The following PLPPR1 variants were observed in gnomAD, a reference collection of about 807,000 sequenced individuals.
PLPPR1 encodes the protein phospholipid phosphatase-related protein type 1.
Under a neutral mutation model 33.1 loss-of-function variants are expected in PLPPR1, and 10 were observed. That is an observed-to-expected ratio of 0.30 (90% confidence interval 0.19 to 0.51). The LOEUF is 0.51. Among genes scored for constraint, PLPPR1 ranks in the 20% least tolerant of loss-of-function variants. The probability of loss-of-function intolerance (pLI) is 0.97; values close to 1 mark genes in which losing one functional copy is unlikely to be tolerated. For missense variants in PLPPR1, 304 were observed against 408.1 expected, an observed-to-expected ratio of 0.74 and a Z score of 2.20; for synonymous variants, 151 against 151.0, an observed-to-expected ratio of 1.00 and a Z score of 0.00.
intron 1 of PLPPR1, among the ~76,000 whole-genome samples, chr9:101,055,667 C>A (rs1485560867): frequency 1.3e-5 from 2 of 152,176 alleles, no homozygotes; most frequent in African/African-American, 4.8e-5. Context: ...CACACAGAAG[C>A]TCTTTATGTC....
chr9:101,143,656 G>A (rs1831483106), intron 1 of PLPPR1, among the ~76,000 whole-genome samples: 1 of 152,274 alleles, frequency 6.6e-6, no homozygotes, highest in African/African-American at 2.4e-5. Context: ...AGACATTTAC[G>A]CAGCCAACAG....
Position 101,227,190 on chromosome 9 carries a change from T to C in PLPPR1, c.63+41633T>C, listed in dbSNP as rs377266708. ...GGATCCCGTAGGGGAGCCCCAATAA[T>C]CACGACTGGGAATACATTTCCTGTG... On this transcript the variant is annotated intron_variant, in intron 2 of 7. Coordinates refer to ENST00000374874, the MANE Select transcript of PLPPR1 (RefSeq NM_207299.2). Among the ~76,000 whole-genome samples the C allele has an allele frequency of 5.4e-4, 82 of 152,254 alleles. No homozygotes were observed. The South Asian group carries it at 8.7e-3, about 16-fold the overall frequency.
At chr9:101,228,127 T>C (rs184562077) in intron 2 of PLPPR1, among the ~76,000 whole-genome samples, 20 of 152,270 alleles carry the variant, frequency 1.3e-4, no homozygotes, top group Middle Eastern at 6.8e-3. Context: ...GATGACTGCC[T>C]AGGATGTTTG....
At chr9:101,236,636 CTG>C (rs1827305989) in intron 2 of PLPPR1, among the ~76,000 whole-genome samples, 2 of 151,122 alleles carry the variant, frequency 1.3e-5, no homozygotes, top group African/African-American at 2.4e-5. Flanking sequence ...CGTGTAATAA[CTG>C]TACATATCTA....
intron 2 of PLPPR1, among the ~76,000 whole-genome samples, chr9:101,229,079 T>A (rs1288347656): frequency 1.3e-5 from 2 of 152,078 alleles, no homozygotes; most frequent in Non-Finnish European, 2.9e-5. Flanking sequence ...AATAAAAAAG[T>A]TGTTAGGTCT....
intron 2 of PLPPR1, among the ~76,000 whole-genome samples, chr9:101,221,393 C>T (rs111991552): frequency 1.4e-3 from 207 of 152,278 alleles, no homozygotes; most frequent in African/African-American, 4.1e-3. Flanking sequence ...GACCCAGATC[C>T]GTGGGTCCTA....
At chr9:101,221,134 TTAGGTTACA>T (rs1214706666) in intron 2 of PLPPR1, among the ~76,000 whole-genome samples, 1 of 152,148 alleles carries the variant, frequency 6.6e-6, no homozygotes, top group Non-Finnish European at 1.5e-5. Flanking sequence ...ACAGGCAGTA[TTAGGTTACA>T]TAAGTAAGTT....
At chr9:101,281,795 T>G (rs12000698) in intron 3 of PLPPR1, among the ~76,000 whole-genome samples, 8,073 of 152,140 alleles carry the variant, frequency 0.053, 676 homozygotes, top group African/African-American at 0.18. Flanking sequence ...ATTAGACTAT[T>G]ATGAACAATG....
intron 6 of PLPPR1, 59 bp from the exon 7 acceptor site, chr9:101,317,305 AG>A (rs1829073439): frequency 6.4e-7 from 1 of 1,555,390 alleles, no homozygotes; most frequent in African/African-American, 1.4e-5. Context: ...CCACCCTCAC[AG>A]ATGCCAGGCA....
At chr9:101,293,608 A>G (rs1828561845) in intron 4 of PLPPR1, among the ~76,000 whole-genome samples, 1 of 152,226 alleles carries the variant, frequency 6.6e-6, no homozygotes, top group Non-Finnish European at 1.5e-5. Flanking sequence ...ACTGTCTCTC[A>G]GACCACAGTG....
chr9:101,059,141 T>C (rs915631067), intron 1 of PLPPR1, among the ~76,000 whole-genome samples: 1 of 152,164 alleles, frequency 6.6e-6, no homozygotes, highest in Admixed American at 6.6e-5. Context: ...TTTTGTGTGA[T>C]CTTTTCATTA....
intron 4 of PLPPR1, among the ~76,000 whole-genome samples, chr9:101,292,015 T>G (rs1191673170): frequency 6.6e-6 from 1 of 151,926 alleles, no homozygotes; most frequent in Admixed American, 6.6e-5. Flanking sequence ...GAAATTCAAA[T>G]CAAAGGCAAA....
intron 1 of PLPPR1, among the ~76,000 whole-genome samples, chr9:101,038,714 C>T (rs1055868650): frequency 6.6e-6 from 1 of 152,122 alleles, no homozygotes; most frequent in Non-Finnish European, 1.5e-5. Context: ...CAAATACTAG[C>T]TTGAGCAACG....
chr9:101,293,569 C>T, intron 4 of PLPPR1, among the ~76,000 whole-genome samples: 1 of 152,028 alleles, frequency 6.6e-6, no homozygotes, highest in Non-Finnish European at 1.5e-5. Context: ...CTCTCCTCAG[C>T]AAATGTAAAA....
chr9:101,209,176 A>T (rs1023955295), intron 2 of PLPPR1, among the ~76,000 whole-genome samples: 3 of 152,222 alleles, frequency 2.0e-5, no homozygotes, highest in Non-Finnish European at 4.4e-5. Context: ...TGTTTTAACA[A>T]GCCCTCCAGG....
chr9:101,212,378 C>T (rs986341676), intron 2 of PLPPR1, among the ~76,000 whole-genome samples: 1 of 152,232 alleles, frequency 6.6e-6, no homozygotes, highest in Non-Finnish European at 1.5e-5. Flanking sequence ...CCACCACTCC[C>T]GGCCACATCT....
At chr9:101,079,173 T>A (rs1830584981) in intron 1 of PLPPR1, among the ~76,000 whole-genome samples, 1 of 152,192 alleles carries the variant, frequency 6.6e-6, no homozygotes, top group African/African-American at 2.4e-5. Flanking sequence ...CTTGTAGAAA[T>A]CATTCCCATG....
At chr9:101,295,644 G>A (rs1166129540) in intron 4 of PLPPR1, among the ~76,000 whole-genome samples, 14 of 149,908 alleles carry the variant, frequency 9.3e-5, no homozygotes, top group Admixed American at 1.3e-4. Flanking sequence ...CAGAAATAAC[G>A]CCACATATCT....
intron 1 of PLPPR1, among the ~76,000 whole-genome samples, chr9:101,148,597 C>T (rs1242154609): frequency 6.6e-6 from 1 of 152,124 alleles, no homozygotes; most frequent in Non-Finnish European, 1.5e-5. Flanking sequence ...TGTAAATAGC[C>T]CCATGTCAGG....
Sources: gnomAD v4.1 joint callset for allele counts (sites outside exome capture counted in the v4.1 genomes callset) on GRCh38, gnomAD v4.1.1 for gene constraint, MANE v1.5 for transcripts, NCBI Gene and HGNC (gene_info 2026-07-23, HGNC 2026-07-21) for gene names.